The following GSG1L variants were observed in gnomAD, a reference collection of about 807,000 sequenced individuals.
The protein encoded by GSG1L is germ cell-specific gene 1-like protein.
In GSG1L, 24 loss-of-function variants were observed where a neutral mutation model predicts 42.1. The observed-to-expected ratio is 0.57, with a 90% confidence interval of 0.41 to 0.80. The LOEUF (loss-of-function observed/expected upper bound fraction) is 0.80, where lower values mean the gene tolerates loss of function less well. Among genes scored for constraint, GSG1L ranks in the 30% least tolerant of loss-of-function variants. The pLI is 0.00. For missense variants in GSG1L, 445 were observed against 472.2 expected (o/e 0.94, Z 0.53); for synonymous variants, 215 against 203.5 (o/e 1.06, Z -0.48).
intron 3 of GSG1L, among the ~76,000 whole-genome samples, chr16:27,856,331 T>C (rs185128596): frequency 1.3e-4 from 20 of 152,322 alleles, no homozygotes; most frequent in African/African-American, 4.6e-4. Flanking sequence ...ATTTTATTTT[T>C]CAGGAAGGGT....
chr16:27,869,715 TTC>T (rs779226223), intron 3 of GSG1L, among the ~76,000 whole-genome samples: 3 of 108,652 alleles, frequency 2.8e-5, no homozygotes, highest in Admixed American at 9.4e-5. Context: ...TTCTCTCTCC[TTC>T]TCTCTCTGTC....
At chr16:27,987,320 T>C (rs1279514204) in intron 1 of GSG1L, among the ~76,000 whole-genome samples, 1 of 152,178 alleles carries the variant, frequency 6.6e-6, no homozygotes, top group Admixed American at 6.5e-5. Context: ...CCTGGGTCTA[T>C]GGTCAGATGG....
In GSG1L at chr16:27,963,177, G is replaced by T. The variant is rs769714302; in HGVS notation, c.376C>A (p.Leu126Met). Residue 126 changes from leucine to methionine, a missense_variant, in exon 2 of 7, where the codon CTG becomes ATG. Around this residue, in one of 3 missense-constraint regions of GSG1L, gnomAD observed 149 missense variants for 223.3 expected, o/e 0.67. Transcript: ENST00000447459. Reference sequence around the variant, plus strand: ...TCACCTTTCTCCGATGCCGGGGCCAGGTCAATGAAGCTGCGACATTTTTCA... The same window carrying T: ...TCACCTTTCTCCGATGCCGGGGCCATGTCAATGAAGCTGCGACATTTTTCA... ...LGEKCRSFID[L>M]APASEKGVLW... 10 of 1,613,866 alleles carry T rather than the reference G, an allele frequency of 6.2e-6. No homozygotes were observed. The South Asian group carries it at 1.1e-4, about 18-fold the overall frequency.
chr16:27,946,652 AAAGAAAAG>A (rs1390755028), intron 2 of GSG1L, among the ~76,000 whole-genome samples: 260 of 25,220 alleles, frequency 0.01, 4 homozygotes, highest in Middle Eastern at 0.015. Flanking sequence ...AGAAAGAAAG[AAAGAAAAG>A]AAAGAAAGAA....
chr16:27,908,752 C>CT (rs2084348465), intron 2 of GSG1L, among the ~76,000 whole-genome samples: 1 of 152,216 alleles, frequency 6.6e-6, no homozygotes, highest in Non-Finnish European at 1.5e-5. Flanking sequence ...GGCCAAAACT[C>CT]TAACACCGTT....
chr16:27,933,221 G>A (rs557294152), intron 2 of GSG1L, among the ~76,000 whole-genome samples: 2 of 152,200 alleles, frequency 1.3e-5, no homozygotes, highest in South Asian at 4.2e-4. Context: ...GGACCATTCA[G>A]GACCATAGCC....
At chr16:27,939,063 T>C (rs1020342429) in intron 2 of GSG1L, among the ~76,000 whole-genome samples, 1 of 151,660 alleles carries the variant, frequency 6.6e-6, no homozygotes, top group African/African-American at 2.4e-5. Context: ...ACATTCCAAC[T>C]GCAAAAAAAG....
chr16:28,031,218 AATAGG>A (rs1272272046), intron 1 of GSG1L, among the ~76,000 whole-genome samples: 4 of 57,184 alleles, frequency 7.0e-5, no homozygotes, highest in African/African-American at 2.0e-4. Context: ...GATGAGATGG[AATAGG>A]ATGGGATGGG....
At chr16:27,908,076 C>A in intron 2 of GSG1L, among the ~76,000 whole-genome samples, 1 of 152,234 alleles carries the variant, frequency 6.6e-6, no homozygotes, top group East Asian at 1.9e-4. Flanking sequence ...TTGAGCTCAG[C>A]CATGGGACTT....
At chr16:27,885,445 G>A (rs2141025402) in intron 2 of GSG1L, among the ~76,000 whole-genome samples, 1 of 152,194 alleles carries the variant, frequency 6.6e-6, no homozygotes, top group Admixed American at 6.5e-5. Flanking sequence ...CACCACACCT[G>A]GCCCACCTGC....
intron 3 of GSG1L, among the ~76,000 whole-genome samples, chr16:27,865,580 C>G (rs1164229293): frequency 9.6e-6 from 1 of 104,518 alleles, no homozygotes; most frequent in East Asian, 2.6e-4. Flanking sequence ...TATACACACA[C>G]ACATACATAC....
At chr16:27,803,788 T>TATATATATATATATATATATAG (rs1567460391) in intron 6 of GSG1L, among the ~76,000 whole-genome samples, 2 of 63,650 alleles carry the variant, frequency 3.1e-5, no homozygotes, top group African/African-American at 1.2e-4. Context: ...TATATATATA[T>TATATATATATATATATATATAG]ATATATAGAT....
In GSG1L at chr16:27,791,394, G is replaced by A. The variant is rs1405863459; in HGVS notation, c.972C>T (p.Cys324=). The change falls in exon 7 of 7, where the codon TGC becomes TGT. Residue 324 remains cysteine, a synonymous_variant. Transcript: ENST00000447459. The stretch of plus-strand genomic sequence containing the variant: ...GTCACACCCAGTGCCCCAAGACCCA[G>A]CACTGTCGGTTCAGCTCTGGTGCTT... ...AQEAPELNRQ[C]WVLGHWV is the part of the protein sequence containing the mutation. 3 of 1,511,012 alleles carry A rather than the reference G, an allele frequency of 2.0e-6. No individual in the cohort carries two copies. The highest frequency in any genetic ancestry group is 1.4e-5 in the African/African-American group (1 of 71,270). 93.6% of individuals were successfully genotyped at this position (1,511,012 alleles called of 1,614,324 possible). A position where few individuals can be genotyped will look rare whatever the true frequency, so the allele number is the denominator to read the frequency against.
chr16:27,823,362 G>A (rs1325659544), intron 5 of GSG1L, among the ~76,000 whole-genome samples: 2 of 152,014 alleles, frequency 1.3e-5, no homozygotes, highest in Non-Finnish European at 2.9e-5. Flanking sequence ...CACATAATAC[G>A]CCTTTCTTCG....
chr16:27,987,684 C>T (rs937775979), intron 1 of GSG1L, among the ~76,000 whole-genome samples: 3 of 152,166 alleles, frequency 2.0e-5, no homozygotes, highest in Non-Finnish European at 4.4e-5. Context: ...CGTGGTGGCT[C>T]ACGCCTGTAA....
intron 1 of GSG1L, among the ~76,000 whole-genome samples, chr16:28,005,117 C>T (rs918854506): frequency 6.6e-6 from 1 of 152,052 alleles, no homozygotes; most frequent in East Asian, 1.9e-4. Context: ...TTTCCGGCCT[C>T]TCTCCTTTTT....
intron 1 of GSG1L, among the ~76,000 whole-genome samples, chr16:28,037,345 T>C (rs2086051662): frequency 6.6e-6 from 1 of 152,200 alleles, no homozygotes; most frequent in Non-Finnish European, 1.5e-5. Context: ...TATCTTTGTA[T>C]CTTTCTTAAT....
rs9302450 is a variant in GSG1L at position 27,824,545 on chromosome 16, C to CAAAA, written c.830+4240_830+4243dup. ...CTCTGAGCTCTTTGTAGGGAAAGCACAAAAAAAAAAAGAAAAAAGGAAAAG... is the reference window on the plus strand; with the variant it reads ...CTCTGAGCTCTTTGTAGGGAAAGCACAAAAAAAAAAAAAAAGAAAAAAGGAAAAG... On this transcript the variant is annotated intron_variant, in intron 5 of 6. Transcript: ENST00000447459. Among the ~76,000 whole-genome samples, 194 of 141,646 alleles carry CAAAA rather than the reference C, an allele frequency of 1.4e-3. 1 individual carries two copies. In the South Asian group the frequency reaches 0.022, roughly 16 times the overall value. The allele number at this position is 141,646 out of a possible 152,430, so 92.9% of individuals were successfully genotyped here.
intron 2 of GSG1L, among the ~76,000 whole-genome samples, chr16:27,947,712 G>A (rs2141092388): frequency 6.6e-6 from 1 of 152,248 alleles, no homozygotes; most frequent in African/African-American, 2.4e-5. Context: ...GCTAAGGGAA[G>A]TTGCCCCAGA....
Sources: gnomAD v4.1 joint callset for allele counts (sites outside exome capture counted in the v4.1 genomes callset) on GRCh38, gnomAD v4.1.1 for gene constraint, gnomAD v4.1.1 regional missense constraint, MANE v1.5 for transcripts, NCBI Gene and HGNC (gene_info 2026-07-23, HGNC 2026-07-21) for gene names.